SCRIB: variants seen among roughly 807,000 people sequenced by gnomAD.
SCRIB encodes scribble planar cell polarity protein, also known as protein scribble homolog.
A neutral mutation model predicts 170.0 loss-of-function variants in SCRIB; 72 were observed. The ratio of observed to expected loss-of-function variants is 0.42; its 90% CI spans 0.35 to 0.52. The LOEUF is 0.52. Ranked by LOEUF, SCRIB falls within the 20% of genes least tolerant of loss-of-function variation. The probability of loss-of-function intolerance (pLI) is 0.02; values close to 1 mark genes in which losing one functional copy is unlikely to be tolerated. For synonymous variants in SCRIB, 1,298 were observed against 1,044.3 expected, an observed-to-expected ratio of 1.24 and a Z score of -4.68; for missense variants, 2,475 against 2,338.5, an observed-to-expected ratio of 1.06 and a Z score of -1.20.
At position 143,791,693 on chromosome 8, in the gene SCRIB, A is replaced by C. The variant is rs1820090619; in HGVS notation, c.4743T>G (p.Pro1581=). Residue 1581 remains proline, a synonymous_variant, in exon 35 of 37, where the codon CCT becomes CCG. Coordinates refer to ENST00000356994, the MANE Select transcript of SCRIB (RefSeq NM_182706.5). ...KFDYRAFAAL[P]SSRPVYDIQS... ...GGATGTCATAGACAGGTCTGGAAGA[A>C]GGCAGGGCCGCAAAGGCCCTGTAGT... is the stretch of plus-strand genomic sequence containing the variant. 2 of 1,604,902 alleles carry C rather than the reference A, an allele frequency of 1.2e-6. No individual in the cohort carries two copies. The highest frequency in any genetic ancestry group is 1.7e-6 in the Non-Finnish European group (2 of 1,173,424).
In SCRIB at chr8:143,792,612, C is replaced by G. The variant is rs782617149; in HGVS notation, c.4201G>C (p.Ala1401Pro). The change falls in exon 31 of 37, where the codon GCG becomes CCG. Residue 1401 changes from alanine to proline, a missense_variant. Around this residue, in one of 3 missense-constraint regions of SCRIB, gnomAD observed 1,966 missense variants for 1,742.9 expected, o/e 1.13. Coordinates refer to ENST00000356994, the MANE Select transcript of SCRIB (RefSeq NM_182706.5). Reference sequence around the variant, plus strand: ...TCTGCCGCCTCCCGCAGCATCTGCGCTCTCTTCTGCTGTAGTTTTCTGGCT... The same window carrying G: ...TCTGCCGCCTCCCGCAGCATCTGCGGTCTCTTCTGCTGTAGTTTTCTGGCT... Reference protein sequence around the residue: ...EEARKLQQKRAQMLREAAEAG... With the variant: ...EEARKLQQKRPQMLREAAEAG... The G allele has an allele frequency of 1.3e-6, 2 of 1,593,720 alleles. No homozygotes were observed. Among genetic ancestry groups the G allele is most frequent in the Non-Finnish European group, 1.7e-6 (2 of 1,177,286 alleles).
At chr8:143,813,140 G>T in intron 6 of SCRIB, 36 bp from the exon 7 acceptor site, 1 of 1,573,182 alleles carries the variant, frequency 6.4e-7, no homozygotes, top group Non-Finnish European at 8.6e-7. Flanking sequence ...TGACTATGAG[G>T]CAAAGCCTCC....
chr8:143,803,669 T>C lies in SCRIB; in HGVS notation c.3392A>G (p.Asp1131Gly). ...GHAGNPRDPT[D>G]EGIFISKVSP... ...CACCTTGGAGATGAAGATGCCCTCG[T>C]CTGTGGGGTCGCGGGGGTTGCCAGC... The change falls in exon 23 of 37, where the codon GAC becomes GGC. Residue 1131 changes from aspartate (D) to glycine (G), a missense_variant. Transcript: ENST00000356994. 3 of 1,567,918 alleles carry C rather than the reference T, an allele frequency of 1.9e-6. No homozygotes were observed. The highest frequency in any genetic ancestry group is 2.6e-6 in the Non-Finnish European group (3 of 1,163,152).
At position 143,810,749 on chromosome 8, in the gene SCRIB, G is replaced by A. The variant is rs779536649; in HGVS notation, c.1341C>T (p.Val447=). 2.5e-6 allele frequency: 4 copies of A among 1,608,820 alleles called. No individual in the cohort carries two copies. In the South Asian group the frequency reaches 4.4e-5, roughly 18 times the overall value. ...CTATGGGGGCCTCCAGGAACTGGAT[G>A]ACGCTGACGCGGCTCGGCGGGGCAT... ...WSDAPPSRVS[V]IQFLEAPIGD... is the part of the protein sequence containing the mutation. Residue 447 remains valine, a synonymous_variant, in exon 12 of 37, where the codon GTC becomes GTT. Coordinates refer to ENST00000356994, the MANE Select transcript of SCRIB (RefSeq NM_182706.5).
rs1820057729 is a variant in SCRIB at position 143,791,089 on chromosome 8, A to AAAAG, written c.*70_*73dup. 2.2e-6 allele frequency: 3 copies of AAAAG among 1,344,570 alleles called. No individual in the cohort carries two copies. Among genetic ancestry groups the AAAAG allele is most frequent in the South Asian group, 2.1e-5 (1 of 47,132 alleles). The allele number at this position is 1,344,570 out of a possible 1,614,324, so 83.3% of individuals were successfully genotyped here. ...TCTTTAAAATGCTAACACCCAGGTT[A>AAAAG]AAAGACTTGGGGCAAGGGTGGTGCT... On this transcript the variant is annotated 3_prime_UTR_variant, in exon 37 of 37. Transcript: ENST00000356994.
Position 143,811,185 on chromosome 8 carries a change from T to C in SCRIB, c.1067A>G (p.His356Arg), listed in dbSNP as rs1815700390. ...GTCCAGCACGTGCAGCTCTGTCGTG[T>C]GGGCCAGCTCTGGTGGCAGGACGGC... ...RLAVLPPELA[H>R]TTELHVLDVA... is the part of the protein sequence containing the mutation. The change falls in exon 10 of 37, where the codon CAC becomes CGC. Residue 356 changes from histidine (H) to arginine (R), a missense_variant. His to Arg is a conservative substitution (Grantham distance 29, BLOSUM62 0). Around this residue, in one of 3 missense-constraint regions of SCRIB, gnomAD observed 487 missense variants for 558.1 expected, o/e 0.87. Coordinates refer to ENST00000356994, the MANE Select transcript of SCRIB (RefSeq NM_182706.5). 6.2e-7 allele frequency: 1 copy of C among 1,610,864 alleles called. No individual in the cohort carries two copies. The highest frequency in any genetic ancestry group is 1.3e-5 in the African/African-American group (1 of 74,902).
chr8:143,813,847 G>C lies in SCRIB; in HGVS notation c.327C>G (p.Ile109Met). Residue 109 changes from isoleucine to methionine, a missense_variant, in exon 3 of 37, where the codon ATC becomes ATG. This residue lies in a region of SCRIB where 487 missense variants were observed against 558.1 expected (regional missense o/e 0.87). Transcript: ENST00000356994. Reference protein sequence around the residue: ...ESIKFCKALEIADFSGNPLSR... With the variant: ...ESIKFCKALEMADFSGNPLSR... ...AGAGGGGGTTCCCGCTGAAGTCCGC[G>C]ATCTCCAGAGCCTTGCAGAACTTGA... The C allele has an allele frequency of 6.2e-7, 1 of 1,609,942 alleles. No individual in the cohort carries two copies. Among genetic ancestry groups the C allele is most frequent in the Non-Finnish European group, 8.5e-7 (1 of 1,177,552 alleles).
intron 21 of SCRIB, 28 bp downstream of exon 21, chr8:143,804,540 G>T: frequency 6.7e-7 from 1 of 1,486,142 alleles, no homozygotes; most frequent in Non-Finnish European, 8.9e-7. Context: ...AAGCTGGGTG[G>T]GTGCCTGGGT....
intron 16 of SCRIB, among the ~76,000 whole-genome samples, chr8:143,807,277 C>G (rs1433350757): frequency 6.6e-6 from 1 of 152,218 alleles, no homozygotes; most frequent in Non-Finnish European, 1.5e-5. Context: ...GCCCCCCTGC[C>G]ACCCTCGAGT....
rs1346976086 is a variant in SCRIB at position 143,810,830 on chromosome 8, G to A, written c.1274-14C>T. ...GCCCAGCATCCTCTGCAGCAGGTGA[G>A]CGTCAGGACCCAGGCTAGTCCCCAA... is the stretch of plus-strand genomic sequence containing the variant. On this transcript the variant is annotated splice_polypyrimidine_tract_variant and intron_variant, in intron 11 of 36. Transcript: ENST00000356994. The A allele has an allele frequency of 6.2e-7, 1 of 1,601,606 alleles. No individual in the cohort carries two copies. Among genetic ancestry groups the A allele is most frequent in the South Asian group, 1.1e-5 (1 of 90,766 alleles).
chr8:143,794,016 C>G lies in SCRIB; in HGVS notation c.3847-54G>C, dbSNP rs1358830305. 3 of 1,554,434 alleles carry G rather than the reference C, an allele frequency of 1.9e-6. No individual in the cohort carries two copies. The African/African-American group carries it at 4.1e-5, about 21-fold the overall frequency. Reference sequence around the variant, plus strand: ...GGATGGGCAGGGCTGTGGCCCCCGACCAGGAGGGACTGGGGGCCCTGGGGC... The same window carrying G: ...GGATGGGCAGGGCTGTGGCCCCCGAGCAGGAGGGACTGGGGGCCCTGGGGC... On this transcript the variant is annotated intron_variant, in intron 27 of 36. Coordinates refer to ENST00000356994, the MANE Select transcript of SCRIB (RefSeq NM_182706.5).
rs200643687 is a variant in SCRIB at position 143,791,235 on chromosome 8, T to C, written c.4896A>G (p.Glu1632=). 5 of 1,487,308 alleles carry C rather than the reference T, an allele frequency of 3.4e-6. No individual in the cohort carries two copies. In the South Asian group the frequency reaches 4.1e-5, roughly 12 times the overall value. The allele number at this position is 1,487,308 out of a possible 1,614,324, so 92.1% of individuals were successfully genotyped here. A position where few individuals can be genotyped will look rare whatever the true frequency, so the allele number is the denominator to read the frequency against. The change falls in exon 37 of 37, where the codon GAA becomes GAG. Residue 1632 remains glutamate, a synonymous_variant. Coordinates refer to ENST00000356994, the MANE Select transcript of SCRIB (RefSeq NM_182706.5). The part of the protein sequence containing the change: ...GRPSPGAVGP[E]DVALCSSRRP... Reference sequence around the variant, plus strand: ...GGCGGCTGCTGCACAGTGCCACATCTTCAGGGCCCACAGCGCCGGGTGAGG... The same window carrying C: ...GGCGGCTGCTGCACAGTGCCACATCCTCAGGGCCCACAGCGCCGGGTGAGG...
chr8:143,813,421 T>C, intron 5 of SCRIB, 47 bp from the exon 6 acceptor site: 2 of 1,611,582 alleles, frequency 1.2e-6, no homozygotes, highest in Non-Finnish European at 1.7e-6. Context: ...CCCTGGTCCC[T>C]GGGCTGTGGC....
chr8:143,803,730 G>A lies in SCRIB; in HGVS notation c.3331C>T (p.Leu1111=). 1.3e-6 allele frequency: 2 copies of A among 1,597,124 alleles called. No individual in the cohort carries two copies. Among genetic ancestry groups the A allele is most frequent in the Non-Finnish European group, 1.7e-6 (2 of 1,177,538 alleles). Residue 1111 remains leucine (L), a synonymous_variant, in exon 23 of 37, where the codon CTG becomes TTG. Coordinates refer to ENST00000356994, the MANE Select transcript of SCRIB (RefSeq NM_182706.5). Reference sequence around the variant, plus strand: ...GCACCCCCGCGGATGCTGATGCCCAGCCTCTCCCCAGGTGCCTTCTGGATG... The same window carrying A: ...GCACCCCCGCGGATGCTGATGCCCAACCTCTCCCCAGGTGCCTTCTGGATG... The part of the protein sequence containing the change: ...LCIQKAPGER[L]GISIRGGARG...
At chr8:143,811,507 C>A (rs1055755942) in intron 9 of SCRIB, among the ~76,000 whole-genome samples, 162 bp from the exon 10 acceptor site, 31 of 152,104 alleles carry the variant, frequency 2.0e-4, no homozygotes, top group African/African-American at 7.2e-4. Flanking sequence ...GAAGCTGTCT[C>A]CACCCCACTT....
chr8:143,813,393 G>A lies in SCRIB; in HGVS notation c.504-19C>T. The stretch of plus-strand genomic sequence containing the variant: ...CAGGGACCTGCAGAGGAAGCAGGGT[G>A]GAGGTGTGGCCACGCAGCCCTGGTC... On this transcript the variant is annotated intron_variant, in intron 5 of 36. Transcript: ENST00000356994. The A allele has an allele frequency of 6.2e-7, 1 of 1,613,406 alleles. No homozygotes were observed. The highest frequency in any genetic ancestry group is 8.5e-7 in the Non-Finnish European group (1 of 1,179,968).
intron 22 of SCRIB, 51 bp from the exon 23 acceptor site, chr8:143,803,991 C>T (rs1815293096): frequency 1.3e-6 from 2 of 1,574,984 alleles, no homozygotes; most frequent in Admixed American, 1.8e-5. Flanking sequence ...CTGACCTGCG[C>T]TGGTACCTGG....
chr8:143,805,273 G>C lies in SCRIB; in HGVS notation c.2509C>G (p.Arg837Gly), dbSNP rs782129165. 79 of 1,554,472 alleles carry C rather than the reference G, an allele frequency of 5.1e-5. No individual in the cohort carries two copies. The highest frequency in any genetic ancestry group is 6.5e-5 in the Non-Finnish European group (75 of 1,156,260). Residue 837 changes from arginine (R) to glycine (G), a missense_variant, in exon 19 of 37, where the codon CGA becomes GGA. Physicochemically the swap from Arg to Gly is moderately radical, Grantham distance 125. Coordinates refer to ENST00000356994, the MANE Select transcript of SCRIB (RefSeq NM_182706.5). The part of the protein sequence containing the change: ...PLRPEDDYSP[R>G]ERRGGGLRLP... ...CGCAGCCCCCCTCCCCGCCGCTCTC[G>C]GGGGCTGTAATCATCCTCGGGCCGC...
chr8:143,809,617 C>G lies in SCRIB; in HGVS notation c.1632G>C (p.Gln544His). 1 of 1,611,300 alleles carries G rather than the reference C, an allele frequency of 6.2e-7. No homozygotes were observed. The highest frequency in any genetic ancestry group is 1.1e-5 in the South Asian group (1 of 91,078). ...TCGTGGCTTCCTGCTGGCTCCCACC[C>G]TGTGCCTCAGCCGACGGGCCCTCGG... ...AEPEGPSAEAQGGSQQEATTA... is the reference protein window; with the variant it reads ...AEPEGPSAEAHGGSQQEATTA... The change falls in exon 14 of 37, where the codon CAG becomes CAC. Residue 544 changes from glutamine (Q) to histidine (H), a missense_variant. Around this residue, in one of 3 missense-constraint regions of SCRIB, gnomAD observed 1,966 missense variants for 1,742.9 expected, o/e 1.13. Transcript: ENST00000356994.
Sources: gnomAD v4.1 joint callset for allele counts (sites outside exome capture counted in the v4.1 genomes callset) on GRCh38, gnomAD v4.1.1 for gene constraint, gnomAD v4.1.1 regional missense constraint, MANE v1.5 for transcripts, NCBI Gene and HGNC (gene_info 2026-07-23, HGNC 2026-07-21) for gene names.